Variants in CLPP observed in about 807,000 individuals in gnomAD.
CLPP encodes ATP-dependent Clp protease proteolytic subunit, mitochondrial.
Under a neutral mutation model 27.4 loss-of-function variants are expected in CLPP, and 14 were observed. The ratio of observed to expected loss-of-function variants is 0.51; its 90% CI spans 0.34 to 0.80. The LOEUF is 0.80. Ranked by LOEUF, CLPP falls within the 30% of genes least tolerant of loss-of-function variation. The pLI, the probability that CLPP is intolerant of heterozygous loss-of-function variation, is 0.02. For missense variants in CLPP, 361 were observed against 403.6 expected, an observed-to-expected ratio of 0.89 and a Z score of 0.90; for synonymous variants, 193 against 166.6, an observed-to-expected ratio of 1.16 and a Z score of -1.22.
intron 3 of CLPP, among the ~76,000 whole-genome samples, chr19:6,362,807 G>A (rs1399133854): frequency 6.6e-6 from 1 of 152,078 alleles, no homozygotes; most frequent in Non-Finnish European, 1.5e-5. Context: ...TAGATTTTAG[G>A]CCGGGCACAG....
At chr19:6,368,460 A>G in intron 5 of CLPP, 78 bp from the exon 6 acceptor site, 1 of 1,449,464 alleles carries the variant, frequency 6.9e-7, no homozygotes, top group Non-Finnish European at 9.6e-7. Flanking sequence ...ACAAACATTC[A>G]GGCCAAAACA....
intron 3 of CLPP, among the ~76,000 whole-genome samples, chr19:6,364,046 T>TA (rs2091849258): frequency 6.6e-6 from 1 of 150,772 alleles, no homozygotes; most frequent in African/African-American, 2.4e-5. Flanking sequence ...TTTTTTTTTT[T>TA]TTGAGATGGA....
chr19:6,365,658 C>A (rs2091858272), intron 4 of CLPP, among the ~76,000 whole-genome samples: 1 of 145,656 alleles, frequency 6.9e-6, no homozygotes, highest in Non-Finnish European at 1.5e-5. Flanking sequence ...CCATCTCTAC[C>A]AAATATTTAA....
chr19:6,364,661 T>C, intron 4 of CLPP, 22 bp downstream of exon 4: 1 of 1,598,252 alleles, frequency 6.3e-7, no homozygotes. Context: ...ACACGCGAGC[T>C]GCTGTTGGGA....
Position 6,368,986 on chromosome 19 carries a change from T to A in CLPP, c.*276T>A, listed in dbSNP as rs1157178681. 9.2e-6 allele frequency: 4 copies of A among 434,096 alleles called. No homozygotes were observed. Among genetic ancestry groups the A allele is most frequent in the African/African-American group, 6.1e-5 (3 of 49,270 alleles). The allele number at this position is 434,096 out of a possible 1,614,324, so 26.9% of individuals were successfully genotyped here. On this transcript the variant is annotated 3_prime_UTR_variant, in exon 6 of 6. Coordinates refer to ENST00000245816, the MANE Select transcript of CLPP (RefSeq NM_006012.4). ...TCACAGGCCCCTTCTGCTTTTGTCC[T>A]GACCCCAAGAGGCAAGCCATGTCTT... is the stretch of plus-strand genomic sequence containing the variant.
At chr19:6,367,136 G>A (rs2091866387) in intron 5 of CLPP, among the ~76,000 whole-genome samples, 1 of 151,964 alleles carries the variant, frequency 6.6e-6, no homozygotes, top group South Asian at 2.1e-4. Context: ...CAGCACTTTG[G>A]GAGGCCGAGG....
chr19:6,364,061 C>G (rs1195538166), intron 3 of CLPP, among the ~76,000 whole-genome samples: 1 of 142,746 alleles, frequency 7.0e-6, no homozygotes, highest in Non-Finnish European at 1.5e-5. Context: ...GATGGAGTCT[C>G]GTTCTGTCGC....
chr19:6,369,562 G>A lies in CLPP; in HGVS notation c.*852G>A, dbSNP rs1397180936. 1.3e-5 allele frequency among the ~76,000 whole-genome samples: 2 copies of A among 152,206 alleles called. No homozygotes were observed. The highest frequency in any genetic ancestry group is 2.9e-5 in the Non-Finnish European group (2 of 68,038). On this transcript the variant is annotated 3_prime_UTR_variant, in exon 6 of 6. Coordinates refer to ENST00000245816, the MANE Select transcript of CLPP (RefSeq NM_006012.4). ...AAAGGAGGTGAGGGGTGGAGCCTGT[G>A]TCCAGGCAGAGGGCACAGCCAGTGC... is the stretch of plus-strand genomic sequence containing the variant.
At position 6,368,906 on chromosome 19, in the gene CLPP, C is replaced by T. The variant is rs1177164366; in HGVS notation, c.*196C>T. The T allele has an allele frequency of 3.3e-6, 2 of 597,112 alleles. No homozygotes were observed. Among genetic ancestry groups the T allele is most frequent in the African/African-American group, 1.9e-5 (1 of 53,792 alleles). 37.0% of individuals were successfully genotyped at this position (597,112 alleles called of 1,614,324 possible). ...AAATTAAATCTTTGTGGTCTTTGCT[C>T]TGCGTCTGGGACACCCTCCCTTCTG... is the stretch of plus-strand genomic sequence containing the variant. On this transcript the variant is annotated 3_prime_UTR_variant, in exon 6 of 6. Transcript: ENST00000245816.
intron 5 of CLPP, among the ~76,000 whole-genome samples, chr19:6,366,841 G>C (rs2091864953): frequency 6.6e-6 from 1 of 151,842 alleles, no homozygotes; most frequent in Non-Finnish European, 1.5e-5. Context: ...ATGTTGCCCA[G>C]GCTGGTCTCA....
Position 6,368,570 on chromosome 19 carries a change from C to G in CLPP, c.694C>G (p.Pro232Ala). The change falls in exon 6 of 6, where the codon CCC becomes GCC. Residue 232 changes from proline (P) to alanine (A), a missense_variant. Physicochemically the swap from Pro to Ala is conservative, Grantham distance 27 (BLOSUM62 -1). Transcript: ENST00000245816. ...CATGGAGAGGGACCGCTACATGAGC[C>G]CCATGGAGGCCCAGGAGTTTGGCAT... ...SAMERDRYMS[P>A]MEAQEFGILD... 1 of 1,614,046 alleles carries G rather than the reference C, an allele frequency of 6.2e-7. No homozygotes were observed. Among genetic ancestry groups the G allele is most frequent in the East Asian group, 2.2e-5 (1 of 44,876 alleles).
intron 4 of CLPP, among the ~76,000 whole-genome samples, chr19:6,365,547 G>T (rs2091857796): frequency 6.6e-6 from 1 of 152,178 alleles, no homozygotes; most frequent in African/African-American, 2.4e-5. Flanking sequence ...CTTCAGCTGG[G>T]CACAGTGGCT....
Position 6,363,115 on chromosome 19 carries a change from T to C in CLPP, c.367+573T>C, listed in dbSNP as rs946887896. ...GTAGTCAATTTTGATTGAGCACTTA[T>C]GATGGAGGCATTTTTTTTTTTTTTT... On this transcript the variant is annotated intron_variant, in intron 3 of 5. Coordinates refer to ENST00000245816, the MANE Select transcript of CLPP (RefSeq NM_006012.4). Among the ~76,000 whole-genome samples, 8 of 146,992 alleles carry C rather than the reference T, an allele frequency of 5.4e-5. No homozygotes were observed. In the East Asian group the frequency reaches 1.4e-3, roughly 26 times the overall value.
intron 5 of CLPP, 91 bp from the exon 6 acceptor site, chr19:6,368,447 G>T: frequency 7.9e-7 from 1 of 1,272,862 alleles, no homozygotes; most frequent in East Asian, 2.4e-5. Context: ...TGGGGTGGTG[G>T]GCACAAACAT....
At position 6,362,300 on chromosome 19, in the gene CLPP, A is replaced by G. The variant is rs535091009; in HGVS notation, c.271-146A>G. The stretch of plus-strand genomic sequence containing the variant: ...GGGTCCTCTCCACTACTCTCTCCCC[A>G]TCCCCTTCTGGGGCCTAAATTCTTC... On this transcript the variant is annotated intron_variant, in intron 2 of 5. Coordinates refer to ENST00000245816, the MANE Select transcript of CLPP (RefSeq NM_006012.4). 5.8e-4 allele frequency: 304 copies of G among 520,382 alleles called. 6 individuals are homozygous for G. In the South Asian group the frequency reaches 6.0e-3, roughly 10 times the overall value. 32.2% of individuals were successfully genotyped at this position (520,382 alleles called of 1,614,324 possible).
chr19:6,368,781 C>G lies in CLPP; in HGVS notation c.*71C>G. 7.0e-7 allele frequency: 1 copy of G among 1,428,126 alleles called. No individual in the cohort carries two copies. Among genetic ancestry groups the G allele is most frequent in the South Asian group, 1.3e-5 (1 of 76,642 alleles). The allele number at this position is 1,428,126 out of a possible 1,614,324, so 88.5% of individuals were successfully genotyped here. On this transcript the variant is annotated 3_prime_UTR_variant, in exon 6 of 6. Coordinates refer to ENST00000245816, the MANE Select transcript of CLPP (RefSeq NM_006012.4). ...GCCAGACCCCCAGCTGGGCCCTGCT[C>G]ACCCCTTGTTGCTGGGCTTGGAGGG...
rs1162573913 is a variant in CLPP at position 6,366,237 on chromosome 19, A to G, written c.556-21A>G. The G allele has an allele frequency of 2.6e-6, 4 of 1,563,824 alleles. No individual in the cohort carries two copies. The East Asian group carries it at 9.0e-5, about 35-fold the overall frequency. On this transcript the variant is annotated intron_variant, in intron 4 of 5. Transcript: ENST00000245816. ...CGCCGATACCAACCTTTACCCCCTC[A>G]CTCCCTTGGACGTCCCTCAGGGCCA...
At chr19:6,361,816 G>C in intron 1 of CLPP, 44 bp downstream of exon 1, 1 of 1,539,740 alleles carries the variant, frequency 6.5e-7, no homozygotes, top group Non-Finnish European at 8.6e-7. Flanking sequence ...CTCCGGGCTG[G>C]GTGGGGATCG....
Position 6,364,443 on chromosome 19 carries a change from C to G in CLPP, c.368-9C>G, listed in dbSNP as rs753882133. 5.0e-6 allele frequency: 8 copies of G among 1,601,334 alleles called. No individual in the cohort carries two copies. The highest frequency in any genetic ancestry group is 5.1e-6 in the Non-Finnish European group (6 of 1,175,724). ...TGGTCCAGCCCCTCACTTGCTCCCC[C>G]GCCCACAGGTGGTGTGGTGACCGCG... On this transcript the variant is annotated splice_polypyrimidine_tract_variant and intron_variant, in intron 3 of 5. Coordinates refer to ENST00000245816, the MANE Select transcript of CLPP (RefSeq NM_006012.4).
Sources: gnomAD v4.1 joint callset for allele counts (sites outside exome capture counted in the v4.1 genomes callset) on GRCh38, gnomAD v4.1.1 for gene constraint, MANE v1.5 for transcripts, NCBI Gene and HGNC (gene_info 2026-07-23, HGNC 2026-07-21) for gene names.